Variants in IL2RA observed in about 807,000 individuals in gnomAD.
IL2RA encodes interleukin-2 receptor subunit alpha.
A neutral mutation model predicts 37.8 loss-of-function variants in IL2RA; 24 were observed. The observed-to-expected ratio is 0.63, with a 90% CI of 0.46 to 0.89. The LOEUF is 0.89. Ranked by LOEUF, IL2RA falls within the 40% of genes least tolerant of loss-of-function variation. The probability of loss-of-function intolerance (pLI) is 0.00; values close to 1 mark genes in which losing one functional copy is unlikely to be tolerated. For synonymous variants in IL2RA, 125 were observed against 114.6 expected, an observed-to-expected ratio of 1.09 and a Z score of -0.58; for missense variants, 319 against 348.6, an observed-to-expected ratio of 0.92 and a Z score of 0.68.
intron 1 of IL2RA, 118 bp from the exon 2 acceptor site, chr10:6,026,143 C>G (rs1246462162): frequency 9.1e-7 from 1 of 1,093,492 alleles, no homozygotes; most frequent in Non-Finnish European, 1.4e-6. Flanking sequence ...ATGGTATGCC[C>G]TACTTTTTGT....
chr10:6,026,160 G>A (rs1839480306), intron 1 of IL2RA, 135 bp from the exon 2 acceptor site: 4 of 877,264 alleles, frequency 4.6e-6, no homozygotes, highest in Non-Finnish European at 7.3e-6. Flanking sequence ...TTGTGAGAAA[G>A]CAACTAAGGC....
At chr10:6,038,808 T>C (rs752603999) in intron 1 of IL2RA, among the ~76,000 whole-genome samples, 1 of 152,226 alleles carries the variant, frequency 6.6e-6, no homozygotes, top group Non-Finnish European at 1.5e-5. Context: ...TCTGGATTCA[T>C]GTTAAGATGT....
intron 1 of IL2RA, among the ~76,000 whole-genome samples, chr10:6,050,816 T>G (rs2132894379): frequency 6.6e-6 from 1 of 152,270 alleles, no homozygotes; most frequent in Non-Finnish European, 1.5e-5. Flanking sequence ...ATGGGTGCCC[T>G]GGCTACAGGT....
intron 7 of IL2RA, chr10:6,016,926 G>A (rs1302615550): frequency 1.3e-5 from 2 of 152,096 alleles, no homozygotes; most frequent in Admixed American, 6.6e-5. Context: ...ACCTACATAA[G>A]CTACAAAAAT....
chr10:6,042,109 T>C (rs1326680114), intron 1 of IL2RA, among the ~76,000 whole-genome samples: 1 of 120,912 alleles, frequency 8.3e-6, no homozygotes, highest in Non-Finnish European at 1.6e-5. Flanking sequence ...AACTGGAGAA[T>C]GTTAACACAT....
chr10:6,054,781 T>C lies in IL2RA; in HGVS notation c.64+7307A>G, dbSNP rs1300942895. 6.6e-6 allele frequency among the ~76,000 whole-genome samples: 1 copy of C among 152,186 alleles called. No homozygotes were observed. Among genetic ancestry groups the C allele is most frequent in the Non-Finnish European group, 1.5e-5 (1 of 68,038 alleles). Reference sequence around the variant, plus strand: ...TTTTTCTAGTTCTCCAGGTAGCATGTTACTCTCCCTATTCTGATCATTTAT... The same window carrying C: ...TTTTTCTAGTTCTCCAGGTAGCATGCTACTCTCCCTATTCTGATCATTTAT... On this transcript the variant is annotated intron_variant, in intron 1 of 7. Coordinates refer to ENST00000379959, the MANE Select transcript of IL2RA (RefSeq NM_000417.3). This position sits in a 1 kb window ranked among gnomAD's most constrained non-coding sequence, Gnocchi z 4.5.
rs1004027145 is a variant in IL2RA at position 6,011,502 on chromosome 10, T to G, written c.*1370A>C. ...AGGCCTCCCGGTGATTCTAATATGC[T>G]GAACTTTTTGATAATGTTCAAGGAC... On this transcript the variant is annotated 3_prime_UTR_variant, in exon 8 of 8. Coordinates refer to ENST00000379959, the MANE Select transcript of IL2RA (RefSeq NM_000417.3). This position sits in a 1 kb window ranked among gnomAD's most constrained non-coding sequence, Gnocchi z 5.2. The G allele has an allele frequency of 6.6e-6, 1 of 152,250 alleles. No homozygotes were observed. Among genetic ancestry groups the G allele is most frequent in the Non-Finnish European group, 1.5e-5 (1 of 68,050 alleles). The allele number at this position is 152,250 out of a possible 1,614,324, so 9.4% of individuals were successfully genotyped here.
Position 6,014,458 on chromosome 10 carries a change from G to A in IL2RA, c.795-1562C>T, listed in dbSNP as rs558937821. Among the ~76,000 whole-genome samples the A allele has an allele frequency of 1.1e-4, 16 of 152,306 alleles. No homozygotes were observed. Among genetic ancestry groups the A allele is most frequent in the African/African-American group, 3.6e-4 (15 of 41,554 alleles). On this transcript the variant is annotated intron_variant, in intron 7 of 7. Transcript: ENST00000379959. The surrounding 1 kb of genome is among the most constrained non-coding windows in gnomAD (Gnocchi z 4.4). ...AAAGATTGTAGTTCTGGGAGACCTTGTGGGAACTCACATAGGTTCACACAG... is the reference window on the plus strand; with the variant it reads ...AAAGATTGTAGTTCTGGGAGACCTTATGGGAACTCACATAGGTTCACACAG...
Position 6,055,619 on chromosome 10 carries a change from G to A in IL2RA, c.64+6469C>T, listed in dbSNP as rs1419089293. On this transcript the variant is annotated intron_variant, in intron 1 of 7. Coordinates refer to ENST00000379959, the MANE Select transcript of IL2RA (RefSeq NM_000417.3). ...TGTCTACCTCTCTCTACACAGACAC[G>A]GCAACCATCCGATTTCTCAATCTTT... 6.4e-5 allele frequency among the ~76,000 whole-genome samples: 2 copies of A among 31,160 alleles called. 1 individual carries two copies. Among genetic ancestry groups the A allele is most frequent in the African/African-American group, 1.1e-4 (2 of 17,438 alleles). 20.4% of individuals were successfully genotyped at this position (31,160 alleles called of 152,430 possible).
chr10:6,055,839 TC>T (rs1342908634), intron 1 of IL2RA, among the ~76,000 whole-genome samples: 1 of 1,466 alleles, frequency 6.8e-4, no homozygotes, highest in East Asian at 2.3e-3. Flanking sequence ...GGGGGCCGAC[TC>T]CCCCCACCTC....
At chr10:6,019,549 C>G in intron 5 of IL2RA, 50 bp from the exon 6 acceptor site, 1 of 1,355,766 alleles carries the variant, frequency 7.4e-7, no homozygotes, top group Non-Finnish European at 1.1e-6. Context: ...GACTTTAGGA[C>G]AGCACGAGGC....
At position 6,044,676 on chromosome 10, in the gene IL2RA, AT is replaced by A. The variant is rs1839823942; in HGVS notation, c.64+17411del. Among the ~76,000 whole-genome samples the A allele has an allele frequency of 6.6e-6, 1 of 152,160 alleles. No individual in the cohort carries two copies. The highest frequency in any genetic ancestry group is 1.5e-5 in the Non-Finnish European group (1 of 68,040). The stretch of plus-strand genomic sequence containing the variant: ...TCCCAACTTCTACCTCAGTAGGAAG[AT>A]TTTTAAATGGCATAATTACAGAGAT... On this transcript the variant is annotated intron_variant, in intron 1 of 7. Coordinates refer to ENST00000379959, the MANE Select transcript of IL2RA (RefSeq NM_000417.3). This position sits in a 1 kb window ranked among gnomAD's most constrained non-coding sequence, Gnocchi z 4.5.
rs1839210148 is a variant in IL2RA at position 6,012,816 on chromosome 10, G to T, written c.*56C>A. ...ACCTTTGATTTCACTTGGGCTTCAT[G>T]ACTTCTGTTGTCTGTTCCCGGCTTC... is the stretch of plus-strand genomic sequence containing the variant. On this transcript the variant is annotated 3_prime_UTR_variant, in exon 8 of 8. Transcript: ENST00000379959. The surrounding 1 kb of genome is among the most constrained non-coding windows in gnomAD (Gnocchi z 4.8). The T allele has an allele frequency of 6.4e-7, 1 of 1,570,036 alleles. No individual in the cohort carries two copies. The highest frequency in any genetic ancestry group is 8.8e-7 in the Non-Finnish European group (1 of 1,139,864).
In IL2RA at chr10:6,044,663, C is replaced by T. The variant is rs1333516656; in HGVS notation, c.64+17425G>A. Among the ~76,000 whole-genome samples, 1 of 152,164 alleles carries T rather than the reference C, an allele frequency of 6.6e-6. No homozygotes were observed. The highest frequency in any genetic ancestry group is 1.9e-4 in the East Asian group (1 of 5,204). On this transcript the variant is annotated intron_variant, in intron 1 of 7. Coordinates refer to ENST00000379959, the MANE Select transcript of IL2RA (RefSeq NM_000417.3). This position sits in a 1 kb window ranked among gnomAD's most constrained non-coding sequence, Gnocchi z 4.5. ...CTCGGGGGTTGAGTCCCAACTTCTA[C>T]CTCAGTAGGAAGATTTTTAAATGGC...
Position 6,033,707 on chromosome 10 carries a change from G to A in IL2RA, c.65-7682C>T, listed in dbSNP as rs1024251312. 6.6e-6 allele frequency among the ~76,000 whole-genome samples: 1 copy of A among 152,202 alleles called. No individual in the cohort carries two copies. The highest frequency in any genetic ancestry group is 2.4e-5 in the African/African-American group (1 of 41,452). The stretch of plus-strand genomic sequence containing the variant: ...AAACACGAAATAGTGCATACACTTT[G>A]CTTTCATTTATATGAAGTTCACAAA... On this transcript the variant is annotated intron_variant, in intron 1 of 7. Coordinates refer to ENST00000379959, the MANE Select transcript of IL2RA (RefSeq NM_000417.3). This position sits in a 1 kb window ranked among gnomAD's most constrained non-coding sequence, Gnocchi z 4.3.
At chr10:6,027,504 G>A (rs1297044757) in intron 1 of IL2RA, among the ~76,000 whole-genome samples, 1 of 152,162 alleles carries the variant, frequency 6.6e-6, no homozygotes, top group Non-Finnish European at 1.5e-5. Flanking sequence ...CAGCATGGTG[G>A]GAAGGAGAAA....
intron 1 of IL2RA, among the ~76,000 whole-genome samples, chr10:6,037,209 T>C (rs1209466994): frequency 1.3e-5 from 2 of 152,054 alleles, no homozygotes; most frequent in African/African-American, 2.4e-5. Context: ...GGAGGAAAGG[T>C]GTGTGGGTGA....
At chr10:6,042,552 G>T (rs1362664913) in intron 1 of IL2RA, among the ~76,000 whole-genome samples, 1 of 152,082 alleles carries the variant, frequency 6.6e-6, no homozygotes, top group Non-Finnish European at 1.5e-5. Flanking sequence ...AGAGGAATAA[G>T]AAGTGGATAA....
intron 1 of IL2RA, among the ~76,000 whole-genome samples, chr10:6,034,841 C>A (rs1456099073): frequency 2.0e-5 from 3 of 152,214 alleles, no homozygotes; most frequent in Non-Finnish European, 4.4e-5. Context: ...CAGCTCACAC[C>A]AAGGGACCTG....
Sources: allele counts gnomAD v4.1 joint callset (sites outside exome capture counted in the v4.1 genomes callset), GRCh38; gene constraint gnomAD v4.1.1; non-coding constraint Gnocchi (gnomAD v3.1); transcripts MANE v1.5; gene names NCBI Gene and HGNC (gene_info 2026-07-23, HGNC 2026-07-21).